SCLT1: variants seen among roughly 807,000 people sequenced by gnomAD.
SCLT1 encodes sodium channel and clathrin linker 1, also known as sodium channel-associated protein 1.
In SCLT1, 78 loss-of-function variants were observed where a neutral mutation model predicts 112.8. The observed-to-expected ratio is 0.69, with a 90% CI of 0.58 to 0.83. The LOEUF is 0.83. Ranked by LOEUF, SCLT1 falls within the 40% of genes least tolerant of loss-of-function variation. The pLI is 0.00. For synonymous variants in SCLT1, 257 were observed against 254.7 expected (o/e 1.01, Z -0.09); for missense variants, 747 against 770.4 (o/e 0.97, Z 0.36).
chr4:128,882,578 A>G (rs969073531), downstream of SCLT1, among the ~76,000 whole-genome samples: 1 of 152,214 alleles, frequency 6.6e-6, no homozygotes, highest in East Asian at 1.9e-4. Context: ...GAGTTATTGA[A>G]TACCCTCCAA....
At chr4:129,085,015 C>T (rs1348138866) in intron 1 of SCLT1, among the ~76,000 whole-genome samples, 1 of 152,142 alleles carries the variant, frequency 6.6e-6, no homozygotes, top group Non-Finnish European at 1.5e-5. Context: ...GCAAAAATTA[C>T]AAATGGAAAC....
chr4:128,952,499 G>C, intron 14 of SCLT1: 1 of 540,928 alleles, frequency 1.8e-6, no homozygotes, highest in South Asian at 1.6e-5. Flanking sequence ...CATATGATAG[G>C]AGCTACAGCT....
intron 2 of SCLT1, among the ~76,000 whole-genome samples, chr4:129,069,300 A>AT (rs1750772244): frequency 6.6e-6 from 1 of 152,078 alleles, no homozygotes; most frequent in African/African-American, 2.4e-5. Context: ...GTTTTTTCTA[A>AT]TTCTGTGAAG....
chr4:129,087,081 G>C (rs1413581062), intron 1 of SCLT1, among the ~76,000 whole-genome samples: 1 of 152,080 alleles, frequency 6.6e-6, no homozygotes, highest in Non-Finnish European at 1.5e-5. Context: ...CATGACACGG[G>C]GGGAGGAAAT....
intron 17 of SCLT1, among the ~76,000 whole-genome samples, chr4:128,937,843 G>A (rs1737345078): frequency 6.6e-6 from 1 of 152,148 alleles, no homozygotes; most frequent in South Asian, 2.1e-4. Flanking sequence ...CTCTGCTGGG[G>A]TTCAGGGAGA....
At chr4:128,899,801 T>G (rs1195793657) in intron 18 of SCLT1, among the ~76,000 whole-genome samples, 1 of 152,216 alleles carries the variant, frequency 6.6e-6, no homozygotes, top group South Asian at 2.1e-4. Context: ...AAAATCTCCT[T>G]AAGCTGATAG....
At chr4:128,933,564 T>A (rs1427800106) in intron 18 of SCLT1, among the ~76,000 whole-genome samples, 1 of 152,118 alleles carries the variant, frequency 6.6e-6, no homozygotes. Flanking sequence ...TACTCTCCTG[T>A]CCCAAATCTG....
At chr4:128,953,980 A>C (rs1029395340) in intron 13 of SCLT1, among the ~76,000 whole-genome samples, 1 of 152,160 alleles carries the variant, frequency 6.6e-6, no homozygotes, top group Non-Finnish European at 1.5e-5. Flanking sequence ...ATTAACATTT[A>C]AATATCTTCA....
At chr4:129,053,215 G>A (rs759548682) in intron 2 of SCLT1, among the ~76,000 whole-genome samples, 1 of 152,140 alleles carries the variant, frequency 6.6e-6, no homozygotes, top group African/African-American at 2.4e-5. Flanking sequence ...TTGATTTTGG[G>A]TGGAGAGTTC....
intron 5 of SCLT1, among the ~76,000 whole-genome samples, chr4:129,009,101 G>A (rs1325825365): frequency 6.6e-6 from 1 of 152,140 alleles, no homozygotes; most frequent in African/African-American, 2.4e-5. Context: ...CTTTGTCATT[G>A]TGAATAACTG....
chr4:128,929,553 T>A (rs1183530754), intron 18 of SCLT1, among the ~76,000 whole-genome samples: 1 of 152,210 alleles, frequency 6.6e-6, no homozygotes, highest in Non-Finnish European at 1.5e-5. Flanking sequence ...TAATTAGGTA[T>A]CAGGTCACTT....
At chr4:128,970,539 C>A (rs543987987) in intron 9 of SCLT1, 71 bp from the exon 10 acceptor site, 4 of 848,418 alleles carry the variant, frequency 4.7e-6, no homozygotes, top group Non-Finnish European at 7.7e-6. Context: ...GAATAGAAAT[C>A]TGAATTTGGT....
chr4:129,078,775 T>C lies in SCLT1; in HGVS notation c.102+3531A>G, dbSNP rs376633551. Among the ~76,000 whole-genome samples, 4 of 152,198 alleles carry C rather than the reference T, an allele frequency of 2.6e-5. No homozygotes were observed. In the East Asian group the frequency reaches 5.8e-4, roughly 22 times the overall value. ...ACTTTTAATACCTTGAAAATAATTT[T>C]AGTTCTGCATTAGTCCATTCTTGCA... On this transcript the variant is annotated intron_variant, in intron 2 of 20. Transcript: ENST00000281142.
chr4:129,046,261 A>G (rs1038079985), intron 2 of SCLT1, among the ~76,000 whole-genome samples: 3 of 152,092 alleles, frequency 2.0e-5, no homozygotes, highest in Admixed American at 2.0e-4. Context: ...GATACACACA[A>G]GTTTCAGTTA....
At chr4:128,880,374 C>T (rs531431285), downstream of SCLT1, among the ~76,000 whole-genome samples, 31 of 152,130 alleles carry the variant, frequency 2.0e-4, no homozygotes, top group African/African-American at 7.5e-4. Context: ...GTGTGGCTAG[C>T]ATTCATTGTA....
intron 18 of SCLT1, among the ~76,000 whole-genome samples, chr4:128,898,231 C>G (rs541136195): frequency 6.6e-6 from 1 of 152,202 alleles, no homozygotes; most frequent in Non-Finnish European, 1.5e-5. Flanking sequence ...TTCTTCTCAG[C>G]ACCACACTGC....
At chr4:128,893,080 T>C (rs972145720) in intron 18 of SCLT1, among the ~76,000 whole-genome samples, 1 of 152,098 alleles carries the variant, frequency 6.6e-6, no homozygotes, top group East Asian at 1.9e-4. Context: ...AAATAAATTG[T>C]GAGTATAATT....
intron 2 of SCLT1, among the ~76,000 whole-genome samples, chr4:129,055,773 G>A (rs994704962): frequency 2.6e-5 from 4 of 151,878 alleles, no homozygotes; most frequent in Non-Finnish European, 5.9e-5. Context: ...CCTTTCCAGG[G>A]GAGTGAGTAA....
chr4:129,039,041 CT>C lies in SCLT1; in HGVS notation c.289del (p.Arg97GlyfsTer6). ...TAAAACCAATAGTTAATTGATTTAC[CT>C]TTCATTTTCCTTGATGACATTTTCA... ...QLENVIKENE[R>X]LHSELKDAVE... is the part of the protein sequence containing the mutation. On this transcript the variant is annotated frameshift_variant and splice_region_variant, in exon 5 of 21. Coordinates refer to ENST00000281142, the MANE Select transcript of SCLT1 (RefSeq NM_144643.4). LOFTEE classifies it high-confidence loss of function. 1.3e-6 allele frequency: 2 copies of C among 1,530,552 alleles called. No homozygotes were observed. The highest frequency in any genetic ancestry group is 1.8e-6 in the Non-Finnish European group (2 of 1,105,228). 94.8% of individuals were successfully genotyped at this position (1,530,552 alleles called of 1,614,324 possible).
Sources: gnomAD v4.1 joint callset for allele counts (sites outside exome capture counted in the v4.1 genomes callset) on GRCh38, gnomAD v4.1.1 for gene constraint, MANE v1.5 for transcripts, NCBI Gene and HGNC (gene_info 2026-07-23, HGNC 2026-07-21) for gene names.